Variants in DIP2C observed in about 807,000 individuals in gnomAD.
DIP2C encodes the protein DIP2 acetate--CoA ligase C (putative).
A neutral mutation model predicts 192.4 loss-of-function variants in DIP2C; 33 were observed. That is an observed-to-expected ratio of 0.17 (90% CI 0.13 to 0.23). The LOEUF (loss-of-function observed/expected upper bound fraction) is 0.23. DIP2C is among the 10% of genes least tolerant of loss of function. DIP2C has a pLI of 1.00. For missense variants in DIP2C, 1,537 were observed against 2,110.1 expected (o/e 0.73, Z 5.32); for synonymous variants, 979 against 864.1 (o/e 1.13, Z -2.33).
At chr10:343,084 T>G (rs1958238627) in intron 28 of DIP2C, among the ~76,000 whole-genome samples, 2 of 152,104 alleles carry the variant, frequency 1.3e-5, no homozygotes, top group Admixed American at 1.3e-4. Flanking sequence ...GGTCAGGAGA[T>G]CGAGAACATC....
At chr10:670,321 C>A (rs1474635313) in intron 1 of DIP2C, among the ~76,000 whole-genome samples, 1 of 152,052 alleles carries the variant, frequency 6.6e-6, no homozygotes, top group Non-Finnish European at 1.5e-5. Context: ...CATGCATATA[C>A]ACATGCACAT....
At chr10:305,480 G>T (rs915591386) in intron 32 of DIP2C, among the ~76,000 whole-genome samples, 7 of 152,170 alleles carry the variant, frequency 4.6e-5, no homozygotes, top group Non-Finnish European at 7.3e-5. Flanking sequence ...TCAGGATCTT[G>T]ATACTTGGGC....
chr10:458,510 G>A (rs1015588247), intron 3 of DIP2C, among the ~76,000 whole-genome samples: 1 of 148,984 alleles, frequency 6.7e-6, no homozygotes, highest in African/African-American at 2.5e-5. Context: ...TGGAACCTGT[G>A]ACGGCAAGGA....
At chr10:411,319 C>G (rs1965171529) in intron 8 of DIP2C, among the ~76,000 whole-genome samples, 1 of 152,118 alleles carries the variant, frequency 6.6e-6, no homozygotes, top group African/African-American at 2.4e-5. Flanking sequence ...TGCTGTGAGG[C>G]AGGACGTGAA....
At position 511,385 on chromosome 10, in the gene DIP2C, A is replaced by G. The variant is rs969823202; in HGVS notation, c.86-24855T>C. ...CAGAGTTCCATGTCGTTAAAGGAAA[A>G]CTTCTGTTACCAGGCAACCTTAATA... On this transcript the variant is annotated intron_variant, in intron 1 of 36. Transcript: ENST00000280886. Among the ~76,000 whole-genome samples, 3 of 152,334 alleles carry G rather than the reference A, an allele frequency of 2.0e-5. No homozygotes were observed. In the East Asian group the frequency reaches 5.8e-4, roughly 29 times the overall value.
At chr10:625,653 C>T (rs576604664) in intron 1 of DIP2C, among the ~76,000 whole-genome samples, 5 of 152,284 alleles carry the variant, frequency 3.3e-5, no homozygotes, top group East Asian at 3.9e-4. Context: ...CACGGCCTCA[C>T]GCACACTGCG....
intron 2 of DIP2C, among the ~76,000 whole-genome samples, chr10:484,225 T>C (rs540723500): frequency 2.0e-5 from 3 of 152,368 alleles, no homozygotes; most frequent in Admixed American, 6.5e-5. Flanking sequence ...CCTTTTTGCA[T>C]CATGAAATTC....
chr10:508,754 C>CT (rs1845806244), intron 1 of DIP2C, among the ~76,000 whole-genome samples: 1 of 152,164 alleles, frequency 6.6e-6, no homozygotes, highest in Admixed American at 6.5e-5. Context: ...GAAGAAGCCA[C>CT]TTAAAGGCAA....
intron 9 of DIP2C, among the ~76,000 whole-genome samples, chr10:399,666 GTTC>G (rs766579954): frequency 5.3e-5 from 8 of 152,302 alleles, no homozygotes; most frequent in Admixed American, 1.3e-4. Context: ...GAGCCTTAGT[GTTC>G]TTCTCTGAAA....
chr10:474,608 C>T (rs1970914932), intron 2 of DIP2C, among the ~76,000 whole-genome samples: 1 of 152,184 alleles, frequency 6.6e-6, no homozygotes, highest in African/African-American at 2.4e-5. Flanking sequence ...TCAATGCCCC[C>T]TCGTCTCTCC....
intron 32 of DIP2C, among the ~76,000 whole-genome samples, chr10:301,542 AAAG>A (rs1956048576): frequency 1.3e-5 from 2 of 152,230 alleles, no homozygotes; most frequent in African/African-American, 4.8e-5. Context: ...CGGCAAAGTG[AAAG>A]AAGAAATTAG....
At chr10:445,623 G>A (rs779433243) in intron 3 of DIP2C, among the ~76,000 whole-genome samples, 5 of 111,072 alleles carry the variant, frequency 4.5e-5, no homozygotes, top group Non-Finnish European at 6.3e-5. Context: ...CAACTGTTGC[G>A]AAGAGTCTAT....
At chr10:348,148 ATT>A (rs1958610173) in intron 26 of DIP2C, among the ~76,000 whole-genome samples, 1 of 152,254 alleles carries the variant, frequency 6.6e-6, no homozygotes, top group South Asian at 2.1e-4. Context: ...GGACAGGTGC[ATT>A]CTCTGCCCAC....
At chr10:670,214 A>G (rs1830549851) in intron 1 of DIP2C, among the ~76,000 whole-genome samples, 1 of 152,096 alleles carries the variant, frequency 6.6e-6, no homozygotes, top group Non-Finnish European at 1.5e-5. Context: ...GTATGCACAC[A>G]TACGCACACG....
At chr10:396,452 G>A (rs1029737453) in intron 10 of DIP2C, among the ~76,000 whole-genome samples, 1 of 152,216 alleles carries the variant, frequency 6.6e-6, no homozygotes, top group Non-Finnish European at 1.5e-5. Context: ...TTAAAGTGAA[G>A]AAAAGAATAA....
chr10:319,975 C>G (rs748160415), intron 31 of DIP2C, among the ~76,000 whole-genome samples: 5 of 152,170 alleles, frequency 3.3e-5, no homozygotes, highest in Non-Finnish European at 7.3e-5. Flanking sequence ...ATGTATTTTT[C>G]CAGCGTGAAT....
chr10:309,467 C>A (rs529097645), intron 32 of DIP2C, among the ~76,000 whole-genome samples: 1 of 152,060 alleles, frequency 6.6e-6, no homozygotes, highest in Non-Finnish European at 1.5e-5. Context: ...GGAAAAGAAC[C>A]GAGTGCCTGC....
chr10:560,355 A>G (rs745340274), intron 1 of DIP2C, among the ~76,000 whole-genome samples: 5 of 152,156 alleles, frequency 3.3e-5, no homozygotes, highest in Non-Finnish European at 7.4e-5. Context: ...GCTGCACAAC[A>G]CAAGAGACAA....
At chr10:422,803 G>C in intron 5 of DIP2C, 21 bp downstream of exon 5, 2 of 1,603,176 alleles carry the variant, frequency 1.2e-6, no homozygotes, top group Non-Finnish European at 1.7e-6. Flanking sequence ...GGCACAGAAA[G>C]ACACCGTGAA....
Sources: gnomAD v4.1 joint callset for allele counts (sites outside exome capture counted in the v4.1 genomes callset) on GRCh38, gnomAD v4.1.1 for gene constraint, MANE v1.5 for transcripts, NCBI Gene and HGNC (gene_info 2026-07-23, HGNC 2026-07-21) for gene names.